The following AGPAT3 variants were observed in gnomAD, a reference collection of about 807,000 sequenced individuals.
AGPAT3 encodes the protein 1-acylglycerol-3-phosphate O-acyltransferase 3.
Under a neutral mutation model 47.3 loss-of-function variants are expected in AGPAT3, and 5 were observed. That is an observed-to-expected ratio of 0.11 (90% confidence interval 0.06 to 0.22). The LOEUF is 0.22. Among genes scored for constraint, AGPAT3 ranks in the 10% least tolerant of loss-of-function variants. AGPAT3 has a pLI of 1.00. For missense variants in AGPAT3, 315 were observed against 493.0 expected, an observed-to-expected ratio of 0.64 and a Z score of 3.42; for synonymous variants, 212 against 208.3, an observed-to-expected ratio of 1.02 and a Z score of -0.15.
In AGPAT3 at chr21:43,929,369, G is replaced by A. The variant is rs542217026; in HGVS notation, c.-49+25350G>A. Among the ~76,000 whole-genome samples the A allele has an allele frequency of 1.5e-4, 23 of 152,342 alleles. No individual in the cohort carries two copies. The East Asian group carries it at 4.2e-3, about 28-fold the overall frequency. On this transcript the variant is annotated intron_variant, in intron 2 of 9. Transcript: ENST00000291572. ...TGTGGATTGGAAGGACACTCTGTCA[G>A]CCGCTCCCTGCCATCACCACACACT...
intron 2 of AGPAT3, among the ~76,000 whole-genome samples, chr21:43,936,104 G>T (rs531200737): frequency 6.6e-6 from 1 of 152,336 alleles, no homozygotes; most frequent in Non-Finnish European, 1.5e-5. Flanking sequence ...GACAGCCGTG[G>T]TGGTCAATCT....
chr21:43,954,970 G>A lies in AGPAT3; in HGVS notation c.-48-4664G>A. ...AGACTGGCCGCTTTGTGACACCGAGGACGGTTGATAAAGTGGATTCTCGAG... is the reference window on the plus strand; with the variant it reads ...AGACTGGCCGCTTTGTGACACCGAGAACGGTTGATAAAGTGGATTCTCGAG... On this transcript the variant is annotated intron_variant, in intron 2 of 9. Coordinates refer to ENST00000291572, the MANE Select transcript of AGPAT3 (RefSeq NM_020132.5). The surrounding 1 kb of genome is among the most constrained non-coding windows in gnomAD (Gnocchi z 4.0). 5 of 1,100,880 alleles carry A rather than the reference G, an allele frequency of 4.5e-6. No individual in the cohort carries two copies. The highest frequency in any genetic ancestry group is 5.7e-6 in the Non-Finnish European group (5 of 879,768). 68.2% of individuals were successfully genotyped at this position (1,100,880 alleles called of 1,614,324 possible).
intron 8 of AGPAT3, among the ~76,000 whole-genome samples, chr21:43,980,777 A>G (rs540974249): frequency 7.9e-5 from 12 of 152,190 alleles, no homozygotes; most frequent in Non-Finnish European, 1.8e-4. Flanking sequence ...AAGGGTTGAT[A>G]TGCTTGCGAG....
At chr21:43,925,930 C>T (rs1188608486) in intron 2 of AGPAT3, among the ~76,000 whole-genome samples, 2 of 152,234 alleles carry the variant, frequency 1.3e-5, no homozygotes, top group East Asian at 3.8e-4. Flanking sequence ...TGGTGGCCGC[C>T]GGCGCCATGT....
At chr21:43,943,092 C>T (rs1364749557) in intron 2 of AGPAT3, among the ~76,000 whole-genome samples, 3 of 151,710 alleles carry the variant, frequency 2.0e-5, no homozygotes, top group East Asian at 1.9e-4. Context: ...TGGTGGGGGG[C>T]GGGATGGAGT....
intron 1 of AGPAT3, among the ~76,000 whole-genome samples, chr21:43,892,440 A>T (rs918654720): frequency 6.6e-6 from 1 of 152,220 alleles, no homozygotes; most frequent in African/African-American, 2.4e-5. Context: ...GACCACGTGC[A>T]TTGGCAATGA....
chr21:43,911,319 G>C (rs935235802), intron 2 of AGPAT3, among the ~76,000 whole-genome samples: 4 of 152,154 alleles, frequency 2.6e-5, no homozygotes, highest in African/African-American at 9.6e-5. Context: ...CTGATTATCA[G>C]TCTACTAGAA....
intron 1 of AGPAT3, among the ~76,000 whole-genome samples, chr21:43,898,885 G>GTT (rs35571689): frequency 6.2e-4 from 93 of 149,286 alleles, no homozygotes; most frequent in South Asian, 5.7e-3. Context: ...GATTATTACT[G>GTT]TTTTTTTTTT....
chr21:43,889,019 A>G (rs1406093579), intron 1 of AGPAT3, among the ~76,000 whole-genome samples: 1 of 152,084 alleles, frequency 6.6e-6, no homozygotes. Context: ...TATTGATTTT[A>G]AAAATCTTAT....
At chr21:43,909,129 A>C (rs1004660248) in intron 2 of AGPAT3, among the ~76,000 whole-genome samples, 4 of 152,194 alleles carry the variant, frequency 2.6e-5, no homozygotes, top group African/African-American at 9.6e-5. Context: ...TTCCAACTTC[A>C]AGAAAGGCTC....
At chr21:43,892,501 A>C (rs911483509) in intron 1 of AGPAT3, among the ~76,000 whole-genome samples, 7 of 152,224 alleles carry the variant, frequency 4.6e-5, no homozygotes, top group African/African-American at 1.7e-4. Flanking sequence ...AGGTCTCAAC[A>C]GTGAGCTTAA....
intron 3 of AGPAT3, among the ~76,000 whole-genome samples, chr21:43,962,459 A>G (rs1455722705): frequency 3.3e-5 from 5 of 152,230 alleles, no homozygotes; most frequent in African/African-American, 4.8e-5. Context: ...GATGAAAACT[A>G]AATTACAGAC....
intron 1 of AGPAT3, among the ~76,000 whole-genome samples, chr21:43,887,733 C>A (rs2086012946): frequency 6.6e-6 from 1 of 152,260 alleles, no homozygotes; most frequent in African/African-American, 2.4e-5. Flanking sequence ...TAGCTCACCG[C>A]AACCTCCACC....
At chr21:43,926,364 C>T (rs1269174825) in intron 2 of AGPAT3, among the ~76,000 whole-genome samples, 1 of 152,190 alleles carries the variant, frequency 6.6e-6, no homozygotes, top group Non-Finnish European at 1.5e-5. Flanking sequence ...GGGACCACGT[C>T]AGGTAACACG....
intron 1 of AGPAT3, among the ~76,000 whole-genome samples, chr21:43,869,756 G>A (rs562877573): frequency 3.3e-5 from 5 of 152,330 alleles, no homozygotes; most frequent in East Asian, 1.9e-4. Flanking sequence ...AAGGGGTCCC[G>A]AAGGTGTCTC....
In AGPAT3 at chr21:43,932,295, G is replaced by A. The variant is rs953156951; in HGVS notation, c.-48-27339G>A. ...AAGCCCCCAGCCCCTGGTAACCACCGTGCTCCTCCCAGTTCTGGTGAGACC... is the reference window on the plus strand; with the variant it reads ...AAGCCCCCAGCCCCTGGTAACCACCATGCTCCTCCCAGTTCTGGTGAGACC... On this transcript the variant is annotated intron_variant, in intron 2 of 9. Transcript: ENST00000291572. The surrounding 1 kb of genome is among the most constrained non-coding windows in gnomAD (Gnocchi z 5.2). 3.2e-4 allele frequency among the ~76,000 whole-genome samples: 49 copies of A among 152,198 alleles called. No individual in the cohort carries two copies. Among genetic ancestry groups the A allele is most frequent in the African/African-American group, 1.1e-3 (44 of 41,520 alleles).
At chr21:43,884,687 C>T (rs1341839402) in intron 1 of AGPAT3, among the ~76,000 whole-genome samples, 1 of 151,004 alleles carries the variant, frequency 6.6e-6, no homozygotes, top group African/African-American at 2.4e-5. Context: ...GCTGGGTGGC[C>T]TGGTGCTGGG....
intron 2 of AGPAT3, among the ~76,000 whole-genome samples, chr21:43,958,572 G>C (rs901936710): frequency 6.6e-5 from 10 of 151,674 alleles, no homozygotes; most frequent in Non-Finnish European, 1.5e-4. Context: ...CGTGTGGCGT[G>C]TGTGTGGTTT....
At chr21:43,876,452 T>C (rs2085735586) in intron 1 of AGPAT3, among the ~76,000 whole-genome samples, 1 of 152,182 alleles carries the variant, frequency 6.6e-6, no homozygotes, top group East Asian at 1.9e-4. Context: ...AAAGCCTCCC[T>C]GGAGAAGCCC....
Sources: allele counts gnomAD v4.1 joint callset (sites outside exome capture counted in the v4.1 genomes callset), GRCh38; gene constraint gnomAD v4.1.1; non-coding constraint Gnocchi (gnomAD v3.1); transcripts MANE v1.5; gene names NCBI Gene and HGNC (gene_info 2026-07-23, HGNC 2026-07-21).